The following SI variants were observed in gnomAD, a reference collection of about 807,000 sequenced individuals.
The protein encoded by SI is sucrase-isomaltase, intestinal.
Under a neutral mutation model 253.3 loss-of-function variants are expected in SI, and 235 were observed. That is an observed-to-expected ratio of 0.93 (90% CI 0.83 to 1.03). SI has a LOEUF of 1.03. Ranked by LOEUF, SI falls within the 50% of genes least tolerant of loss-of-function variation. The probability of loss-of-function intolerance (pLI) is 0.00; values close to 1 mark genes in which losing one functional copy is unlikely to be tolerated. For missense variants in SI, 2,442 were observed against 2,211.1 expected (o/e 1.10, Z -2.09); for synonymous variants, 819 against 712.0 (o/e 1.15, Z -2.39).
chr3:165,042,453 A>G (rs577754987), intron 17 of SI, among the ~76,000 whole-genome samples: 1 of 152,184 alleles, frequency 6.6e-6, no homozygotes, highest in East Asian at 1.9e-4. Context: ...AAACATGCCT[A>G]TGATCATGAG....
At chr3:164,994,481 G>A in intron 40 of SI, 76 bp from the exon 41 acceptor site, 2 of 1,461,622 alleles carry the variant, frequency 1.4e-6, no homozygotes, top group Non-Finnish European at 1.9e-6. Flanking sequence ...CATATTTGAA[G>A]AACTAAAAAG....
chr3:165,021,770 TTA>T (rs1711635617), intron 26 of SI, among the ~76,000 whole-genome samples: 2 of 151,550 alleles, frequency 1.3e-5, no homozygotes, highest in Admixed American at 1.3e-4. Context: ...TAATGCTAAT[TTA>T]TGTTTATTTG....
intron 9 of SI, among the ~76,000 whole-genome samples, chr3:165,062,014 A>G (rs1348815720): frequency 2.0e-5 from 3 of 152,116 alleles, no homozygotes; most frequent in Non-Finnish European, 4.4e-5. Context: ...TGACCTACAC[A>G]TTTATTGCCT....
chr3:165,058,150 GA>G (rs1456451405), intron 12 of SI, among the ~76,000 whole-genome samples: 1 of 151,788 alleles, frequency 6.6e-6, no homozygotes, highest in Non-Finnish European at 1.5e-5. Flanking sequence ...GAAGCTATAT[GA>G]AAACATGAAA....
At position 165,063,547 on chromosome 3, in the gene SI, A is replaced by T; in HGVS notation, c.808-6T>A. ...CCGTATAAATTATTATTATTCTATA[A>T]GGCAAGAATTTGAAAATACGATTTT... On this transcript the variant is annotated splice_polypyrimidine_tract_variant and splice_region_variant and intron_variant, in intron 7 of 47. Transcript: ENST00000264382. 1 of 1,266,352 alleles carries T rather than the reference A, an allele frequency of 7.9e-7. No individual in the cohort carries two copies. Among genetic ancestry groups the T allele is most frequent in the Non-Finnish European group, 1.1e-6 (1 of 871,736 alleles). The allele number at this position is 1,266,352 out of a possible 1,614,324, so 78.4% of individuals were successfully genotyped here.
chr3:164,992,695 C>T (rs981008825), intron 41 of SI, among the ~76,000 whole-genome samples: 1 of 151,584 alleles, frequency 6.6e-6, no homozygotes, highest in African/African-American at 2.4e-5. Context: ...AATAGAGGTA[C>T]AAATATTAAC....
At chr3:164,987,348 A>G in intron 44 of SI, 122 bp from the exon 45 acceptor site, 1 of 745,390 alleles carries the variant, frequency 1.3e-6, no homozygotes, top group South Asian at 1.6e-5. Flanking sequence ...AAACTGACTT[A>G]GACTAAGAAA....
intron 41 of SI, among the ~76,000 whole-genome samples, chr3:164,993,329 A>C (rs967623320): frequency 1.3e-5 from 2 of 151,766 alleles, no homozygotes; most frequent in African/African-American, 4.8e-5. Flanking sequence ...GTAGATGATA[A>C]ATTAATAAAG....
chr3:164,985,028 C>A (rs901579355), intron 45 of SI, among the ~76,000 whole-genome samples: 6 of 152,000 alleles, frequency 3.9e-5, no homozygotes, highest in African/African-American at 1.4e-4. Flanking sequence ...ATAAGTAGAT[C>A]CAATTGGCAA....
intron 40 of SI, among the ~76,000 whole-genome samples, chr3:164,995,627 G>T (rs1717976179): frequency 6.6e-6 from 1 of 151,296 alleles, no homozygotes; most frequent in African/African-American, 2.4e-5. Context: ...ATTTTACTTT[G>T]TTGCTCCCAT....
At chr3:165,047,062 T>C (rs1235484362) in intron 15 of SI, 50 bp from the exon 16 acceptor site, 1 of 1,408,110 alleles carries the variant, frequency 7.1e-7, no homozygotes, top group South Asian at 1.3e-5. Flanking sequence ...AAAAATAAAG[T>C]TGGTATTTAA....
chr3:165,008,123 T>G, intron 35 of SI, 125 bp from the exon 36 acceptor site: 1 of 514,614 alleles, frequency 1.9e-6, no homozygotes, highest in Non-Finnish European at 3.6e-6. Flanking sequence ...CTCACTATTC[T>G]AAACAAACAA....
Position 165,043,142 on chromosome 3 carries a change from T to G in SI, c.1921A>C (p.Thr641Pro), listed in dbSNP as rs770531762. 6.2e-7 allele frequency: 1 copy of G among 1,612,118 alleles called. No homozygotes were observed. Among genetic ancestry groups the G allele is most frequent in the South Asian group, 1.1e-5 (1 of 91,026 alleles). ...CATCTTCTGCAAAGTTCTTCTGTGG[T>G]TTCAGCCACAAATCCACAGATGTCT... Reference protein sequence around the residue: ...GADICGFVAETTEELCRRWMQ... With the variant: ...GADICGFVAEPTEELCRRWMQ... Residue 641 changes from threonine to proline, a missense_variant, in exon 17 of 48, where the codon ACC becomes CCC. Coordinates refer to ENST00000264382, the MANE Select transcript of SI (RefSeq NM_001041.4).
Position 164,979,188 on chromosome 3 carries a change from T to C in SI, c.*174A>G, listed in dbSNP as rs1559973253. The C allele has an allele frequency of 1.7e-6, 1 of 597,074 alleles. No homozygotes were observed. The highest frequency in any genetic ancestry group is 1.8e-5 in the African/African-American group (1 of 54,150). 37.0% of individuals were successfully genotyped at this position (597,074 alleles called of 1,614,324 possible). On this transcript the variant is annotated 3_prime_UTR_variant, in exon 48 of 48. Transcript: ENST00000264382. ...GCCTTAAAATTGAATCCAAGTCACA[T>C]TACTATAATAAAATTAGCATTATCA...
intron 37 of SI, among the ~76,000 whole-genome samples, chr3:165,004,118 C>G (rs528544314): frequency 1.3e-5 from 2 of 152,154 alleles, no homozygotes; most frequent in South Asian, 4.1e-4. Context: ...TTCTAATAAT[C>G]TGATTTAAAA....
At position 164,998,391 on chromosome 3, in the gene SI, C is replaced by G. The variant is rs1718112026; in HGVS notation, c.4540+149G>C. 4 of 763,736 alleles carry G rather than the reference C, an allele frequency of 5.2e-6. No individual in the cohort carries two copies. The Admixed American group carries it at 8.3e-5, about 16-fold the overall frequency. The allele number at this position is 763,736 out of a possible 1,614,324, so 47.3% of individuals were successfully genotyped here. On this transcript the variant is annotated intron_variant, in intron 38 of 47. Coordinates refer to ENST00000264382, the MANE Select transcript of SI (RefSeq NM_001041.4). ...AGCACCCTCAATCCAGCTTCCTGGC[C>G]CACTGTCTTTTTCTGATGCTATATG...
At chr3:165,044,091 T>C (rs1209639521) in intron 16 of SI, among the ~76,000 whole-genome samples, 1 of 152,000 alleles carries the variant, frequency 6.6e-6, no homozygotes. Context: ...AACAAAATTA[T>C]ATAAAATTAC....
Position 165,038,076 on chromosome 3 carries a change from T to C in SI, c.2302-52A>G, listed in dbSNP as rs766731742. 3.4e-6 allele frequency: 5 copies of C among 1,490,350 alleles called. No individual in the cohort carries two copies. The African/African-American group carries it at 4.2e-5, about 12-fold the overall frequency. 92.3% of individuals were successfully genotyped at this position (1,490,350 alleles called of 1,614,324 possible). On this transcript the variant is annotated intron_variant, in intron 20 of 47. Coordinates refer to ENST00000264382, the MANE Select transcript of SI (RefSeq NM_001041.4). Reference sequence around the variant, plus strand: ...CTTAATATTATTGAAGACTTTAAACTCTATTTCACAAGAATTAAAAGGCAT... The same window carrying C: ...CTTAATATTATTGAAGACTTTAAACCCTATTTCACAAGAATTAAAAGGCAT...
chr3:165,048,578 TATATATAGAGAGAG>T (rs945733959), intron 15 of SI, among the ~76,000 whole-genome samples: 3 of 109,360 alleles, frequency 2.7e-5, no homozygotes, highest in African/African-American at 9.5e-5. Flanking sequence ...TATATATATA[TATATATAGAGAGAG>T]AGAGAGAGAG....
Sources: gnomAD v4.1 joint callset for allele counts (sites outside exome capture counted in the v4.1 genomes callset) on GRCh38, gnomAD v4.1.1 for gene constraint, MANE v1.5 for transcripts, NCBI Gene and HGNC (gene_info 2026-07-23, HGNC 2026-07-21) for gene names.